Variants in SPACA7 observed in about 807,000 individuals in gnomAD.
The protein encoded by SPACA7 is sperm acrosome associated 7.
A neutral mutation model predicts 26.3 loss-of-function variants in SPACA7; 19 were observed. The ratio of observed to expected loss-of-function variants is 0.72; its 90% confidence interval spans 0.50 to 1.06. The LOEUF is 1.06. Among genes scored for constraint, SPACA7 ranks in the 50% least tolerant of loss-of-function variants. The probability of loss-of-function intolerance (pLI) is 0.00; values close to 1 mark genes in which losing one functional copy is unlikely to be tolerated. For missense variants in SPACA7, 211 were observed against 229.9 expected, an observed-to-expected ratio of 0.92 and a Z score of 0.53; for synonymous variants, 84 against 84.5, an observed-to-expected ratio of 0.99 and a Z score of 0.04.
At chr13:112,399,307 G>A (rs1885486309) in intron 4 of SPACA7, 134 bp downstream of exon 4, 3 of 674,720 alleles carry the variant, frequency 4.4e-6, no homozygotes, top group South Asian at 3.4e-5. Flanking sequence ...CACTTCCCCT[G>A]GTTGGGCAGA....
At chr13:112,413,515 C>A (rs916107803) in intron 5 of SPACA7, among the ~76,000 whole-genome samples, 1 of 151,912 alleles carries the variant, frequency 6.6e-6, no homozygotes, top group Non-Finnish European at 1.5e-5. Flanking sequence ...ATAATCCTTT[C>A]TTTGTCCTTT....
chr13:112,395,332 T>A (rs112031640), intron 2 of SPACA7, among the ~76,000 whole-genome samples: 2,061 of 152,320 alleles, frequency 0.014, 46 homozygotes, highest in African/African-American at 0.047. Context: ...TTCCTGGCCC[T>A]CTGGGGCCGG....
intron 3 of SPACA7, among the ~76,000 whole-genome samples, chr13:112,398,643 G>GCTTCACATGCA (rs1466056809): frequency 6.6e-6 from 1 of 152,178 alleles, no homozygotes; most frequent in East Asian, 1.9e-4. Context: ...CCCAAGTGCA[G>GCTTCACATGCA]CTTCACATGG....
At chr13:112,397,276 C>T (rs1261548815) in intron 2 of SPACA7, among the ~76,000 whole-genome samples, 2 of 152,158 alleles carry the variant, frequency 1.3e-5, no homozygotes, top group Non-Finnish European at 1.5e-5. Flanking sequence ...ACTTTCTGGG[C>T]TAAACCCAGA....
At chr13:112,411,425 C>T (rs1323915232) in intron 5 of SPACA7, among the ~76,000 whole-genome samples, 1 of 152,110 alleles carries the variant, frequency 6.6e-6, no homozygotes, top group East Asian at 1.9e-4. Context: ...AATCATTTAT[C>T]ATTTCTTTGG....
chr13:112,422,104 C>T (rs772946361), intron 5 of SPACA7, among the ~76,000 whole-genome samples: 1 of 151,774 alleles, frequency 6.6e-6, no homozygotes, highest in African/African-American at 2.4e-5. Flanking sequence ...TTCTAGAAAA[C>T]TTTAGAAAAA....
intron 5 of SPACA7, among the ~76,000 whole-genome samples, chr13:112,431,166 C>T (rs1372712069): frequency 6.6e-6 from 1 of 152,106 alleles, no homozygotes; most frequent in Non-Finnish European, 1.5e-5. Context: ...AAACTGAGCA[C>T]CTAAGAATAA....
chr13:112,384,075 T>C (rs1241319073), intron 1 of SPACA7, among the ~76,000 whole-genome samples: 1 of 152,216 alleles, frequency 6.6e-6, no homozygotes, highest in Admixed American at 6.5e-5. Context: ...GGTTTAGCAA[T>C]GTTTAATACA....
At chr13:112,400,212 A>G (rs61960795) in intron 4 of SPACA7, among the ~76,000 whole-genome samples, 41,467 of 152,106 alleles carry the variant, frequency 0.27, 6,231 homozygotes, top group African/African-American at 0.39. Flanking sequence ...AGGAATCTGC[A>G]TCCCAATCCA....
At chr13:112,406,731 G>T (rs1298454183) in intron 5 of SPACA7, among the ~76,000 whole-genome samples, 1 of 152,166 alleles carries the variant, frequency 6.6e-6, no homozygotes, top group Non-Finnish European at 1.5e-5. Context: ...GGATGTGACT[G>T]ATAATTCATC....
At chr13:112,391,795 C>A (rs1884905719) in intron 1 of SPACA7, among the ~76,000 whole-genome samples, 2 of 152,190 alleles carry the variant, frequency 1.3e-5, no homozygotes, top group Non-Finnish European at 2.9e-5. Flanking sequence ...TTGCACGATG[C>A]AGCTGTACCC....
At position 112,411,875 on chromosome 13, in the gene SPACA7, G is replaced by T. The variant is rs1270334093; in HGVS notation, c.445+10711G>T. On this transcript the variant is annotated intron_variant, in intron 5 of 6. Coordinates refer to ENST00000283550, the MANE Select transcript of SPACA7 (RefSeq NM_145248.5). ...GACACTTACGTTGATACCACGTTTGGTCTATTGTAAATAGAACTGCAATGG... is the reference window on the plus strand; with the variant it reads ...GACACTTACGTTGATACCACGTTTGTTCTATTGTAAATAGAACTGCAATGG... Among the ~76,000 whole-genome samples the T allele has an allele frequency of 2.0e-5, 3 of 152,000 alleles. No homozygotes were observed. The South Asian group carries it at 6.2e-4, about 31-fold the overall frequency.
Position 112,434,621 on chromosome 13 carries a change from G to A in SPACA7, c.*72G>A. ...CCCCACCCACCAGCCTCCGGAACAG[G>A]GCACTTGTGTGCACACGCCCACGTT... On this transcript the variant is annotated 3_prime_UTR_variant, in exon 7 of 7. Transcript: ENST00000283550. 7.7e-7 allele frequency: 1 copy of A among 1,295,192 alleles called. No individual in the cohort carries two copies. Among genetic ancestry groups the A allele is most frequent in the Non-Finnish European group, 1.1e-6 (1 of 914,130 alleles). The allele number at this position is 1,295,192 out of a possible 1,614,324, so 80.2% of individuals were successfully genotyped here.
chr13:112,384,295 T>G (rs1884392859), intron 1 of SPACA7, among the ~76,000 whole-genome samples: 1 of 152,072 alleles, frequency 6.6e-6, no homozygotes, highest in Admixed American at 6.5e-5. Context: ...ATTTGTTACC[T>G]CTGTATCACA....
At chr13:112,397,777 G>A (rs550009815) in intron 2 of SPACA7, among the ~76,000 whole-genome samples, 9 of 152,346 alleles carry the variant, frequency 5.9e-5, no homozygotes, top group East Asian at 5.8e-4. Flanking sequence ...TGGGCCAAGC[G>A]TCCAGCCTTG....
At chr13:112,388,777 A>G (rs964586330) in intron 1 of SPACA7, among the ~76,000 whole-genome samples, 7 of 152,326 alleles carry the variant, frequency 4.6e-5, no homozygotes, top group South Asian at 2.1e-4. Context: ...AGTCTCCCCA[A>G]GCATTCGGGA....
intron 1 of SPACA7, chr13:112,382,280 T>C (rs558569729): frequency 1.5e-6 from 1 of 650,492 alleles, no homozygotes; most frequent in East Asian, 2.9e-5. Context: ...TTTGACAGAG[T>C]CTCACTCTGT....
chr13:112,390,543 T>A (rs1458540815), intron 1 of SPACA7, among the ~76,000 whole-genome samples: 2 of 152,210 alleles, frequency 1.3e-5, no homozygotes, highest in African/African-American at 2.4e-5. Flanking sequence ...GGGTAATTTA[T>A]GAAGAAAAGA....
At chr13:112,416,116 T>C (rs950510035) in intron 5 of SPACA7, among the ~76,000 whole-genome samples, 2 of 151,926 alleles carry the variant, frequency 1.3e-5, no homozygotes, top group Non-Finnish European at 2.9e-5. Flanking sequence ...CTTTTCCTGT[T>C]ATTATGCTAA....
Sources: allele counts gnomAD v4.1 joint callset (sites outside exome capture counted in the v4.1 genomes callset), GRCh38; gene constraint gnomAD v4.1.1; transcripts MANE v1.5; gene names NCBI Gene and HGNC (gene_info 2026-07-23, HGNC 2026-07-21).